Variants in LHFPL2 observed in about 807,000 individuals in gnomAD.
LHFPL2 encodes the protein LHFPL tetraspan subfamily member 2.
In LHFPL2, 7 loss-of-function variants were observed where a neutral mutation model predicts 17.5. The observed-to-expected ratio is 0.40, with a 90% CI of 0.23 to 0.75. LHFPL2 has a LOEUF of 0.75. Among genes scored for constraint, LHFPL2 ranks in the 30% least tolerant of loss-of-function variants. The pLI is 0.37. For synonymous variants in LHFPL2, 134 were observed against 116.2 expected (o/e 1.15, Z -0.99); for missense variants, 241 against 294.8 (o/e 0.82, Z 1.34).
At chr5:78,561,402 GC>G (rs1443297660) in intron 3 of LHFPL2, among the ~76,000 whole-genome samples, 2 of 152,206 alleles carry the variant, frequency 1.3e-5, no homozygotes, top group Non-Finnish European at 2.9e-5. Flanking sequence ...CTTTCACTTT[GC>G]CCCTTCGGCT....
chr5:78,608,063 G>T (rs1310027502), intron 2 of LHFPL2, among the ~76,000 whole-genome samples: 1 of 152,180 alleles, frequency 6.6e-6, no homozygotes, highest in Non-Finnish European at 1.5e-5. Context: ...TGACACCAGG[G>T]GATGGACAAA....
At chr5:78,523,977 C>T (rs775285425) in intron 3 of LHFPL2, among the ~76,000 whole-genome samples, 1 of 152,102 alleles carries the variant, frequency 6.6e-6, no homozygotes, top group African/African-American at 2.4e-5. Context: ...CCGGACAATG[C>T]ACAGATGTCT....
rs376968584 is a variant in LHFPL2, at chr5:78,567,739, T to TATTCAA, written c.-244-2874_-244-2869dup. Among the ~76,000 whole-genome samples, 448 of 152,258 alleles carry TATTCAA rather than the reference T, an allele frequency of 2.9e-3. 3 individuals are homozygous for TATTCAA. The highest frequency in any genetic ancestry group is 0.01 in the African/African-American group (430 of 41,550). ...CATGGCTTGCAAGAAGTGGTGTTAA[T>TATTCAA]ATTCAAATCCGTATACATGATCACA... On this transcript the variant is annotated intron_variant, in intron 2 of 4. Transcript: ENST00000380345.
intron 3 of LHFPL2, among the ~76,000 whole-genome samples, chr5:78,532,195 A>G (rs564874408): frequency 1.3e-5 from 2 of 152,148 alleles, no homozygotes; most frequent in Admixed American, 1.3e-4. Flanking sequence ...AAGTGCTGGG[A>G]TTACAGGTGT....
Position 78,510,162 on chromosome 5 carries a change from TACTC to T in LHFPL2, c.48_51del (p.Ser17LeufsTer12). 1.9e-6 allele frequency: 3 copies of T among 1,611,706 alleles called. No individual in the cohort carries two copies. The highest frequency in any genetic ancestry group is 2.5e-6 in the Non-Finnish European group (3 of 1,178,582). Reference sequence around the variant, plus strand: ...ATGAGCTCGGCAAAAGCCACCACAATACTCAGCAAGGTCCAGAGCATCGAGCGAC... The same window carrying T: ...ATGAGCTCGGCAAAAGCCACCACAATAGCAAGGTCCAGAGCATCGAGCGAC... On this transcript the variant is annotated frameshift_variant, in exon 4 of 5. Coordinates refer to ENST00000380345, the MANE Select transcript of LHFPL2 (RefSeq NM_005779.3). LOFTEE classifies it high-confidence loss of function.
At chr5:78,511,380 A>G (rs1755119992) in intron 3 of LHFPL2, among the ~76,000 whole-genome samples, 1 of 152,250 alleles carries the variant, frequency 6.6e-6, no homozygotes, top group Non-Finnish European at 1.5e-5. Context: ...CATTACCAGA[A>G]GACATTGCTC....
At chr5:78,511,060 G>T (rs77515666) in intron 3 of LHFPL2, among the ~76,000 whole-genome samples, 1 of 151,906 alleles carries the variant, frequency 6.6e-6, no homozygotes, top group Non-Finnish European at 1.5e-5. Flanking sequence ...TTTTCACAGG[G>T]TGATTTTTAG....
At chr5:78,577,158 C>T (rs1757153972) in intron 2 of LHFPL2, among the ~76,000 whole-genome samples, 1 of 152,216 alleles carries the variant, frequency 6.6e-6, no homozygotes, top group Non-Finnish European at 1.5e-5. Context: ...AAATGAGAGA[C>T]GCAGGCCTTC....
chr5:78,502,693 C>T (rs1359915421), intron 4 of LHFPL2, among the ~76,000 whole-genome samples: 1 of 110,352 alleles, frequency 9.1e-6, no homozygotes, highest in African/African-American at 3.7e-5. Flanking sequence ...GTAAAAGGCA[C>T]TTTTAAAAAA....
chr5:78,522,665 G>C (rs1012989621), intron 3 of LHFPL2, among the ~76,000 whole-genome samples: 3 of 152,128 alleles, frequency 2.0e-5, no homozygotes, highest in East Asian at 1.9e-4. Flanking sequence ...CTGGACAATG[G>C]GGGTGGAGAG....
chr5:78,523,910 T>C (rs1362837758), intron 3 of LHFPL2, among the ~76,000 whole-genome samples: 1 of 152,046 alleles, frequency 6.6e-6, no homozygotes, highest in Non-Finnish European at 1.5e-5. Flanking sequence ...ATGTGAACAA[T>C]ACAATGGTGT....
chr5:78,537,078 G>A (rs892375306), intron 3 of LHFPL2, among the ~76,000 whole-genome samples: 4 of 152,196 alleles, frequency 2.6e-5, no homozygotes, highest in Non-Finnish European at 4.4e-5. Context: ...CACTGAATCG[G>A]AATCTGCATT....
At chr5:78,519,829 A>G (rs1340786029) in intron 3 of LHFPL2, among the ~76,000 whole-genome samples, 6 of 152,248 alleles carry the variant, frequency 3.9e-5, no homozygotes, top group Non-Finnish European at 4.4e-5. Context: ...TTTGCCACTT[A>G]GATCTTCCGG....
chr5:78,580,118 C>T (rs1416498318), intron 2 of LHFPL2, among the ~76,000 whole-genome samples: 10 of 152,252 alleles, frequency 6.6e-5, no homozygotes, highest in Admixed American at 3.3e-4. Flanking sequence ...AGCATTTTTT[C>T]ATGTGTTTTT....
At chr5:78,644,056 C>T (rs2112531768) in intron 1 of LHFPL2, among the ~76,000 whole-genome samples, 1 of 152,210 alleles carries the variant, frequency 6.6e-6, no homozygotes, top group Non-Finnish European at 1.5e-5. Flanking sequence ...AGAGAGACTT[C>T]ATCTCAAAAG....
At chr5:78,607,977 C>T (rs1419681152) in intron 2 of LHFPL2, among the ~76,000 whole-genome samples, 1 of 152,156 alleles carries the variant, frequency 6.6e-6, no homozygotes, top group East Asian at 1.9e-4. Context: ...ATGTGATATC[C>T]TTACCATTAG....
In LHFPL2 at chr5:78,599,774, A is replaced by G. The variant is rs923984627; in HGVS notation, c.-245+32490T>C. On this transcript the variant is annotated intron_variant, in intron 2 of 4. Coordinates refer to ENST00000380345, the MANE Select transcript of LHFPL2 (RefSeq NM_005779.3). ...AGTACAGATAATGGCAGACAATGGG[A>G]GACAGCCTTCAGCATGTACAACTGC... is the stretch of plus-strand genomic sequence containing the variant. Among the ~76,000 whole-genome samples, 10 of 152,332 alleles carry G rather than the reference A, an allele frequency of 6.6e-5. No homozygotes were observed. The East Asian group carries it at 1.9e-3, about 29-fold the overall frequency.
intron 3 of LHFPL2, among the ~76,000 whole-genome samples, chr5:78,535,581 C>T (rs1225366702): frequency 6.6e-6 from 1 of 152,176 alleles, no homozygotes. Flanking sequence ...CACCGTCAGC[C>T]CCCAGCGCTG....
Position 78,499,544 on chromosome 5 carries a change from G to A in LHFPL2, c.430+10240C>T, listed in dbSNP as rs1385755587. Among the ~76,000 whole-genome samples the A allele has an allele frequency of 4.6e-5, 7 of 152,326 alleles. No individual in the cohort carries two copies. The East Asian group carries it at 1.4e-3, about 29-fold the overall frequency. Reference sequence around the variant, plus strand: ...CCTTATCCTAGACTGCTGTTTTACTGCAGACCAGAGACTAACTTCCAAGAC... The same window carrying A: ...CCTTATCCTAGACTGCTGTTTTACTACAGACCAGAGACTAACTTCCAAGAC... On this transcript the variant is annotated intron_variant, in intron 4 of 4. Transcript: ENST00000380345.
Sources: gnomAD v4.1 joint callset for allele counts (sites outside exome capture counted in the v4.1 genomes callset) on GRCh38, gnomAD v4.1.1 for gene constraint, MANE v1.5 for transcripts, NCBI Gene and HGNC (gene_info 2026-07-23, HGNC 2026-07-21) for gene names.